The following FMN2 variants were observed in gnomAD, a reference collection of about 807,000 sequenced individuals.
FMN2 encodes the protein formin-2.
A neutral mutation model predicts 142.3 loss-of-function variants in FMN2; 51 were observed. That is an observed-to-expected ratio of 0.36 (90% CI 0.29 to 0.45). The LOEUF is 0.45. FMN2 is among the 20% of genes least tolerant of loss of function. The probability of loss-of-function intolerance (pLI) is 1.00; values close to 1 mark genes in which losing one functional copy is unlikely to be tolerated. For missense variants in FMN2, 1,936 were observed against 2,122.8 expected (o/e 0.91, Z 1.73); for synonymous variants, 882 against 869.8 (o/e 1.01, Z -0.25).
intron 2 of FMN2, among the ~76,000 whole-genome samples, chr1:240,148,424 G>T (rs1663604896): frequency 6.8e-6 from 1 of 147,540 alleles, no homozygotes; most frequent in Non-Finnish European, 1.5e-5. Flanking sequence ...AGACAGGAAA[G>T]ATACAGAAAG....
rs190022908 is a variant in FMN2 at position 240,470,027 on chromosome 1, G to A, written c.5061-2345G>A. On this transcript the variant is annotated intron_variant, in intron 16 of 17. Transcript: ENST00000319653. Reference sequence around the variant, plus strand: ...AATTAAAAATGTTTGTATTAGACTCGGTTTCCTGTGATCCTTACAAAAATG... The same window carrying A: ...AATTAAAAATGTTTGTATTAGACTCAGTTTCCTGTGATCCTTACAAAAATG... Among the ~76,000 whole-genome samples the A allele has an allele frequency of 3.0e-4, 45 of 152,060 alleles. 1 individual carries two copies. The East Asian group carries it at 7.7e-3, about 26-fold the overall frequency.
intron 1 of FMN2, among the ~76,000 whole-genome samples, chr1:240,103,364 C>T (rs1002015894): frequency 6.6e-6 from 1 of 152,234 alleles, no homozygotes; most frequent in Non-Finnish European, 1.5e-5. Flanking sequence ...TACCAATAGA[C>T]TGCTAGAGTT....
intron 8 of FMN2, among the ~76,000 whole-genome samples, chr1:240,320,081 A>G (rs530661569): frequency 6.6e-6 from 1 of 152,298 alleles, no homozygotes; most frequent in South Asian, 2.1e-4. Flanking sequence ...GGTTAGCAGC[A>G]ACTGGGGTGT....
intron 1 of FMN2, among the ~76,000 whole-genome samples, chr1:240,108,009 T>C (rs951740361): frequency 2.0e-5 from 3 of 152,150 alleles, no homozygotes; most frequent in South Asian, 4.1e-4. Flanking sequence ...TGAAGACACA[T>C]TGTAGGCACT....
At chr1:240,185,726 A>G (rs1326881484) in intron 3 of FMN2, among the ~76,000 whole-genome samples, 2 of 152,230 alleles carry the variant, frequency 1.3e-5, no homozygotes, top group Non-Finnish European at 1.5e-5. Context: ...CTCTTTGTGT[A>G]CCACCAGGAG....
At chr1:240,464,913 C>T (rs766519316) in intron 16 of FMN2, among the ~76,000 whole-genome samples, 59 of 152,216 alleles carry the variant, frequency 3.9e-4, no homozygotes, top group African/African-American at 1.2e-3. Flanking sequence ...GGGGTGCAAG[C>T]GCAGTGTTTT....
chr1:240,295,291 T>G (rs1263142999), intron 8 of FMN2, among the ~76,000 whole-genome samples: 1 of 152,140 alleles, frequency 6.6e-6, no homozygotes, highest in Non-Finnish European at 1.5e-5. Context: ...TCCAGGTGTA[T>G]GTATTGAACA....
At chr1:240,363,181 A>G (rs11585682) in intron 14 of FMN2, among the ~76,000 whole-genome samples, 29,256 of 152,234 alleles carry the variant, frequency 0.19, 3,502 homozygotes, top group Non-Finnish European at 0.26. Flanking sequence ...ATGCAGGGTG[A>G]GCATGTTTCA....
intron 6 of FMN2, among the ~76,000 whole-genome samples, chr1:240,222,505 G>T (rs1239959508): frequency 6.7e-6 from 1 of 150,060 alleles, no homozygotes; most frequent in Non-Finnish European, 1.5e-5. Flanking sequence ...ATTTAAAGTA[G>T]TTTTTTTTTT....
At chr1:240,140,705 C>G (rs142249349) in intron 2 of FMN2, among the ~76,000 whole-genome samples, 85 of 152,272 alleles carry the variant, frequency 5.6e-4, no homozygotes, top group Admixed American at 3.9e-3. Flanking sequence ...CAGAAGTTTT[C>G]AAGGTATTTC....
intron 2 of FMN2, among the ~76,000 whole-genome samples, chr1:240,151,199 A>G (rs10754693): frequency 0.59 from 89,256 of 151,942 alleles, 26,336 homozygotes; most frequent in South Asian, 0.73. Context: ...GGCCTACCTC[A>G]TTTTTAAATG....
chr1:240,193,846 T>C lies in FMN2; in HGVS notation c.1986+5584T>C, dbSNP rs189763910. ...GAGTTATCTTTCTAAAATCCAAATT[T>C]GCTGATGTCTGATATCTGCTTAGAC... On this transcript the variant is annotated intron_variant, in intron 4 of 17. Coordinates refer to ENST00000319653, the MANE Select transcript of FMN2 (RefSeq NM_020066.5). Among the ~76,000 whole-genome samples, 99 of 152,318 alleles carry C rather than the reference T, an allele frequency of 6.5e-4. 1 individual carries two copies. The Middle Eastern group carries it at 0.017, about 26-fold the overall frequency.
rs113641973 is a variant in FMN2 at position 240,244,376 on chromosome 1, C to G, written c.4066-13569C>G. Among the ~76,000 whole-genome samples, 169 of 152,292 alleles carry G rather than the reference C, an allele frequency of 1.1e-3. 1 individual carries two copies. Among genetic ancestry groups the G allele is most frequent in the African/African-American group, 4.0e-3 (165 of 41,580 alleles). ...AATTGCAAGAAACTTCAAGTTATCT[C>G]TATTGGATATTTAATGTGGAGCTCT... On this transcript the variant is annotated intron_variant, in intron 6 of 17. Transcript: ENST00000319653.
chr1:240,122,971 A>G (rs1312499258), intron 1 of FMN2, among the ~76,000 whole-genome samples: 3 of 152,270 alleles, frequency 2.0e-5, no homozygotes, highest in South Asian at 4.1e-4. Flanking sequence ...GGGATGAGAG[A>G]GCAAACCAGT....
chr1:240,396,303 CGTGTGTGTGTGT>C (rs57641655), intron 15 of FMN2, among the ~76,000 whole-genome samples: 19,292 of 142,718 alleles, frequency 0.14, 1,433 homozygotes, highest in African/African-American at 0.21. Flanking sequence ...CCGAGGTTTT[CGTGTGTGTGTGT>C]GTGTGTGTGT....
chr1:240,416,529 C>T (rs958112328), intron 15 of FMN2, among the ~76,000 whole-genome samples: 2 of 152,172 alleles, frequency 1.3e-5, no homozygotes, highest in South Asian at 2.1e-4. Flanking sequence ...CTCAGCCTCC[C>T]AAAGTGCTGG....
chr1:240,097,541 C>G (rs986755045), intron 1 of FMN2, among the ~76,000 whole-genome samples: 45 of 151,944 alleles, frequency 3.0e-4, no homozygotes, highest in African/African-American at 8.7e-4. Context: ...ATTTTTAGTA[C>G]AGACGGGGTT....
rs542619035 is a variant in FMN2, at chr1:240,392,361, A to G, written c.4859-150A>G. On this transcript the variant is annotated intron_variant, in intron 14 of 17. Transcript: ENST00000319653. ...GTAGAATCATTTAAATCATGTATCT[A>G]TGACATCCATAGATTTGAAATAAGC... The G allele has an allele frequency of 1.6e-5, 8 of 506,424 alleles. No homozygotes were observed. The East Asian group carries it at 2.2e-4, about 14-fold the overall frequency. 31.4% of individuals were successfully genotyped at this position (506,424 alleles called of 1,614,324 possible). A position where few individuals can be genotyped will look rare whatever the true frequency, so the allele number is the denominator to read the frequency against.
chr1:240,092,145 A>C lies in FMN2; in HGVS notation c.36A>C (p.Ala12=). Reference sequence around the variant, plus strand: ...AGGATGGGAAGCTGAAGAGGAGCGCAGGTGATGCTTTGCACGAAGGCGGCG... The same window carrying C: ...AGGATGGGAAGCTGAAGAGGAGCGCCGGTGATGCTTTGCACGAAGGCGGCG... ...GNQDGKLKRS[A]GDALHEGGGG... The change falls in exon 1 of 18, where the codon GCA becomes GCC. Residue 12 remains alanine (A), a synonymous_variant. Transcript: ENST00000319653. 1.3e-6 allele frequency: 2 copies of C among 1,566,488 alleles called. No individual in the cohort carries two copies.
Sources: allele counts gnomAD v4.1 joint callset (sites outside exome capture counted in the v4.1 genomes callset), GRCh38; gene constraint gnomAD v4.1.1; transcripts MANE v1.5; gene names NCBI Gene and HGNC (gene_info 2026-07-23, HGNC 2026-07-21).